Variants in CERT1 observed in about 807,000 individuals in gnomAD.
CERT1 encodes the protein ceramide transfer protein.
A neutral mutation model predicts 87.9 loss-of-function variants in CERT1; 31 were observed. The observed-to-expected ratio is 0.35, with a 90% confidence interval of 0.27 to 0.48. The LOEUF (loss-of-function observed/expected upper bound fraction) is 0.48, where lower values mean the gene tolerates loss of function less well. Among genes scored for constraint, CERT1 ranks in the 20% least tolerant of loss-of-function variants. The pLI is 0.99. For missense variants in CERT1, 487 were observed against 758.0 expected (o/e 0.64, Z 4.20); for synonymous variants, 289 against 250.9 (o/e 1.15, Z -1.44).
chr5:75,506,086 G>A lies in CERT1; in HGVS notation c.127C>T (p.Arg43Cys). 1.2e-6 allele frequency: 2 copies of A among 1,612,682 alleles called. No individual in the cohort carries two copies. The highest frequency in any genetic ancestry group is 1.7e-6 in the Non-Finnish European group (2 of 1,179,000). The change falls in exon 2 of 17, where the codon CGT (arginine) becomes TGT (cysteine). Residue 43 changes from arginine (R) to cysteine (C), a missense_variant. By Grantham distance (180) the Arg-to-Cys change is radical. Coordinates refer to ENST00000643780, the MANE Select transcript of CERT1 (RefSeq NM_001379029.1). ...GCATTATTTTTCAAAACTACCCAAC[G>A]ATCCTGCCACCCATGAATGTAGTTT... ...WTNYIHGWQD[R>C]WVVLKNNALS...
chr5:75,437,058 T>C (rs1310453592), intron 3 of CERT1, among the ~76,000 whole-genome samples: 2 of 152,174 alleles, frequency 1.3e-5, no homozygotes, highest in Non-Finnish European at 2.9e-5. Flanking sequence ...AGTCCTGGGA[T>C]TACAGGCAGG....
At chr5:75,368,955 C>T (rs1016898281) in intron 17 of CERT1, 1 of 152,094 alleles carries the variant, frequency 6.6e-6, no homozygotes, top group African/African-American at 2.4e-5. Context: ...CTGTATCACC[C>T]AGGCTGGAGT....
chr5:75,401,522 A>G (rs1274068106), intron 9 of CERT1: 1 of 152,130 alleles, frequency 6.6e-6, no homozygotes, highest in African/African-American at 2.4e-5. Flanking sequence ...CACATCCTAG[A>G]CAAAAAACTA....
chr5:75,499,055 A>G (rs551445814), intron 2 of CERT1, among the ~76,000 whole-genome samples: 112 of 152,132 alleles, frequency 7.4e-4, no homozygotes, highest in Non-Finnish European at 1.2e-3. Context: ...GACCTTTAAG[A>G]TTTGGCTGCC....
At chr5:75,467,599 C>T (rs1180590913) in intron 2 of CERT1, among the ~76,000 whole-genome samples, 1 of 147,784 alleles carries the variant, frequency 6.8e-6, no homozygotes, top group Non-Finnish European at 1.5e-5. Context: ...CAAGATTGTG[C>T]CATAGCACTC....
intron 3 of CERT1, among the ~76,000 whole-genome samples, chr5:75,444,948 T>A (rs906625647): frequency 1.3e-5 from 2 of 152,212 alleles, no homozygotes; most frequent in Non-Finnish European, 2.9e-5. Flanking sequence ...ATATTTAACA[T>A]CCTGAAATTA....
downstream of CERT1, chr5:75,373,500 T>C (rs924191677): frequency 6.6e-6 from 1 of 152,182 alleles, no homozygotes; most frequent in South Asian, 2.1e-4. Flanking sequence ...TATAAAGATA[T>C]CTAGGGGAAG....
intron 3 of CERT1, among the ~76,000 whole-genome samples, chr5:75,436,859 C>T (rs1286734301): frequency 6.6e-6 from 1 of 152,138 alleles, no homozygotes; most frequent in Non-Finnish European, 1.5e-5. Context: ...GCCTCGATCT[C>T]ACAGGCTCAG....
intron 1 of CERT1, among the ~76,000 whole-genome samples, chr5:75,508,449 T>C (rs1220777892): frequency 1.3e-5 from 2 of 152,196 alleles, no homozygotes; most frequent in Non-Finnish European, 2.9e-5. Context: ...TAACTTAATA[T>C]TAGTTCTTAT....
At chr5:75,510,967 C>A in intron 1 of CERT1, 145 bp downstream of exon 1, 1 of 1,157,426 alleles carries the variant, frequency 8.6e-7, no homozygotes, top group Non-Finnish European at 1.2e-6. Context: ...TATATCCCCG[C>A]CTCATCCCTA....
chr5:75,500,613 T>C (rs1317657014), intron 2 of CERT1, among the ~76,000 whole-genome samples: 2 of 152,170 alleles, frequency 1.3e-5, no homozygotes, highest in Non-Finnish European at 2.9e-5. Flanking sequence ...CACTGACAAA[T>C]GCTCCTCCAA....
intron 12 of CERT1, among the ~76,000 whole-genome samples, chr5:75,388,930 T>C (rs923726259): frequency 6.6e-6 from 1 of 152,066 alleles, no homozygotes; most frequent in African/African-American, 2.4e-5. Flanking sequence ...TGGCCAATAG[T>C]ATCTTTTAAA....
chr5:75,511,546 A>C lies in CERT1; in HGVS notation c.-339T>G. ...AAATAGGGAAGGAAAAGGGAAAAGA[A>C]GGGAAGAGAAAATCCGGCCGCTGAG... On this transcript the variant is annotated 5_prime_UTR_variant, in exon 1 of 17. Transcript: ENST00000643780. The C allele has an allele frequency of 6.9e-7, 1 of 1,458,868 alleles. No homozygotes were observed. Among genetic ancestry groups the C allele is most frequent in the Non-Finnish European group, 9.0e-7 (1 of 1,108,026 alleles). 90.4% of individuals were successfully genotyped at this position (1,458,868 alleles called of 1,614,324 possible). A position where few individuals can be genotyped will look rare whatever the true frequency, so the allele number is the denominator to read the frequency against.
intron 3 of CERT1, among the ~76,000 whole-genome samples, chr5:75,451,023 C>T (rs181739320): frequency 6.6e-6 from 1 of 152,272 alleles, no homozygotes; most frequent in Admixed American, 6.5e-5. Context: ...GCAGGAAAAA[C>T]TGACAAATAT....
At chr5:75,497,165 A>C (rs1390376087) in intron 2 of CERT1, among the ~76,000 whole-genome samples, 1 of 152,216 alleles carries the variant, frequency 6.6e-6, no homozygotes, top group East Asian at 1.9e-4. Context: ...GAATCTGTTC[A>C]AACATGACAC....
intron 1 of CERT1, among the ~76,000 whole-genome samples, chr5:75,510,639 C>T (rs1767907765): frequency 6.6e-6 from 1 of 152,260 alleles, no homozygotes; most frequent in East Asian, 1.9e-4. Flanking sequence ...AATTCAACAC[C>T]TCAAATTTCA....
chr5:75,374,793 C>A (rs1761229143), downstream of CERT1: 1 of 543,022 alleles, frequency 1.8e-6, no homozygotes, highest in African/African-American at 1.9e-5. Flanking sequence ...CCATGACCCC[C>A]ACCAAAGCCC....
chr5:75,456,753 C>T (rs1765003140), intron 3 of CERT1, among the ~76,000 whole-genome samples: 1 of 149,988 alleles, frequency 6.7e-6, no homozygotes, highest in Non-Finnish European at 1.5e-5. Context: ...AACTAAAAAT[C>T]ACTCAAAATT....
chr5:75,473,177 G>A (rs1765794148), intron 2 of CERT1, among the ~76,000 whole-genome samples: 1 of 152,100 alleles, frequency 6.6e-6, no homozygotes, highest in South Asian at 2.1e-4. Flanking sequence ...GACTCTTGGG[G>A]TGAAGTGATC....
Sources: allele counts gnomAD v4.1 joint callset (sites outside exome capture counted in the v4.1 genomes callset), GRCh38; gene constraint gnomAD v4.1.1; transcripts MANE v1.5; gene names NCBI Gene and HGNC (gene_info 2026-07-23, HGNC 2026-07-21).